Variants in WDR41 observed in about 807,000 individuals in gnomAD.
WDR41 encodes WD repeat domain 41.
A neutral mutation model predicts 69.3 loss-of-function variants in WDR41; 63 were observed. The observed-to-expected ratio is 0.91, with a 90% CI of 0.74 to 1.12. The LOEUF (loss-of-function observed/expected upper bound fraction) is 1.12, where lower values mean the gene tolerates loss of function less well. Ranked by LOEUF, WDR41 falls within the 50% of genes most tolerant of loss-of-function variation. The pLI is 0.00. For synonymous variants in WDR41, 185 were observed against 192.1 expected (o/e 0.96, Z 0.31); for missense variants, 543 against 534.5 (o/e 1.02, Z -0.16).
chr5:77,613,200 A>G (rs1314976961), intron 1 of WDR41, among the ~76,000 whole-genome samples: 6 of 152,020 alleles, frequency 3.9e-5, no homozygotes, highest in Admixed American at 2.0e-4. Context: ...AATCAATATC[A>G]TGAAAATGGC....
chr5:77,492,298 C>A lies in WDR41; in HGVS notation c.-78G>T. On this transcript the variant is annotated 5_prime_UTR_variant, in exon 1 of 13. Coordinates refer to ENST00000296679, the MANE Select transcript of WDR41 (RefSeq NM_018268.4). ...CCCCAGGCTCGGCCTCCTCCTTCCTCCCCGGCTGCAGCGCAACTGAGACGC... is the reference window on the plus strand; with the variant it reads ...CCCCAGGCTCGGCCTCCTCCTTCCTACCCGGCTGCAGCGCAACTGAGACGC... 1.3e-6 allele frequency: 2 copies of A among 1,583,470 alleles called. No homozygotes were observed. Among genetic ancestry groups the A allele is most frequent in the Non-Finnish European group, 1.7e-6 (2 of 1,163,534 alleles).
chr5:77,469,390 A>G (rs917104366), intron 2 of WDR41, among the ~76,000 whole-genome samples: 1 of 152,220 alleles, frequency 6.6e-6, no homozygotes, highest in Non-Finnish European at 1.5e-5. Context: ...TCTCTCCTGT[A>G]TAATTCTCAC....
chr5:77,580,294 G>A (rs1411311990), intron 1 of WDR41, among the ~76,000 whole-genome samples: 1 of 152,134 alleles, frequency 6.6e-6, no homozygotes, highest in Non-Finnish European at 1.5e-5. Context: ...CATGGCAGAA[G>A]GCATCTCTTC....
At position 77,442,894 on chromosome 5, in the gene WDR41, C is replaced by CAAAAAAAAAAAAAAAAAAAA. The variant is rs60442242; in HGVS notation, c.698-1898_698-1897insTTTTTTTTTTTTTTTTTTTT. 3.0e-4 allele frequency among the ~76,000 whole-genome samples: 17 copies of CAAAAAAAAAAAAAAAAAAAA among 56,254 alleles called. 1 individual carries two copies. The highest frequency in any genetic ancestry group is 1.5e-3 in the African/African-American group (15 of 9,930). 36.9% of individuals were successfully genotyped at this position (56,254 alleles called of 152,430 possible). A position where few individuals can be genotyped will look rare whatever the true frequency, so the allele number is the denominator to read the frequency against. ...GCGACAGAGCGAGACTCTGTCTCCC[C>CAAAAAAAAAAAAAAAAAAAA]AAAAAAAAAAAAAAAAAAAGGATTT... On this transcript the variant is annotated intron_variant, in intron 8 of 12. Coordinates refer to ENST00000296679, the MANE Select transcript of WDR41 (RefSeq NM_018268.4).
At position 77,451,351 on chromosome 5, in the gene WDR41, T is replaced by C; in HGVS notation, c.526A>G (p.Ile176Val). Residue 176 changes from isoleucine to valine, a missense_variant and splice_region_variant, in exon 7 of 13, where the codon ATT becomes GTT. Transcript: ENST00000296679. ...CKTSHLSDTGISALVEIPKNC... is the reference protein window; with the variant it reads ...CKTSHLSDTGVSALVEIPKNC... ...TTAGGTATTTCAACCAAAGCACTAA[T>C]ACCTCCAAAAACATATAAAACAAAG... 6.2e-7 allele frequency: 1 copy of C among 1,613,376 alleles called. No individual in the cohort carries two copies. Among genetic ancestry groups the C allele is most frequent in the African/African-American group, 1.3e-5 (1 of 75,048 alleles).
chr5:77,594,311 T>C (rs1377970442), intron 1 of WDR41, among the ~76,000 whole-genome samples: 1 of 151,400 alleles, frequency 6.6e-6, no homozygotes, highest in Non-Finnish European at 1.5e-5. Context: ...ATATACCTAA[T>C]GTAAATGACG....
chr5:77,594,594 C>T (rs1367588420), intron 1 of WDR41, among the ~76,000 whole-genome samples: 1 of 152,078 alleles, frequency 6.6e-6, no homozygotes, highest in African/African-American at 2.4e-5. Context: ...TTCTATGACA[C>T]CAGTAACCAT....
intron 1 of WDR41, among the ~76,000 whole-genome samples, chr5:77,620,224 C>T (rs1459042094): frequency 6.6e-6 from 1 of 152,154 alleles, no homozygotes; most frequent in African/African-American, 2.4e-5. Context: ...CTACCCACAA[C>T]ATCACCCTTA....
At chr5:77,499,792 T>C (rs1053664939) in intron 1 of WDR41, among the ~76,000 whole-genome samples, 2 of 152,168 alleles carry the variant, frequency 1.3e-5, no homozygotes, top group African/African-American at 4.8e-5. Flanking sequence ...GCTCTTAATC[T>C]AATTAGTGTA....
intron 1 of WDR41, among the ~76,000 whole-genome samples, chr5:77,586,560 C>T (rs4704433): frequency 0.24 from 36,153 of 151,968 alleles, 4,943 homozygotes; most frequent in Non-Finnish European, 0.31. Flanking sequence ...CCTACCTTGG[C>T]CTCTCAAAGT....
chr5:77,437,482 A>T, intron 10 of WDR41, 58 bp from the exon 11 acceptor site: 1 of 1,449,726 alleles, frequency 6.9e-7, no homozygotes, highest in Non-Finnish European at 9.7e-7. Context: ...GCCAATGCTA[A>T]ATTTGCAGTG....
At chr5:77,564,862 T>A (rs1410952230) in intron 1 of WDR41, among the ~76,000 whole-genome samples, 3 of 152,168 alleles carry the variant, frequency 2.0e-5, no homozygotes, top group Non-Finnish European at 4.4e-5. Context: ...AACTATCTTT[T>A]CTTCTATCAA....
At chr5:77,555,650 C>T (rs534101489) in intron 1 of WDR41, among the ~76,000 whole-genome samples, 37 of 151,890 alleles carry the variant, frequency 2.4e-4, no homozygotes, top group Non-Finnish European at 1.0e-4. Context: ...CAACAGCATC[C>T]GAAAATATAA....
Position 77,540,765 on chromosome 5 carries a change from A to AGAAG in WDR41, c.43-51197_43-51194dup, listed in dbSNP as rs560809040. Among the ~76,000 whole-genome samples, 285 of 151,454 alleles carry AGAAG rather than the reference A, an allele frequency of 1.9e-3. 2 individuals are homozygous for AGAAG. Among genetic ancestry groups the AGAAG allele is most frequent in the African/African-American group, 4.9e-3 (201 of 41,244 alleles). On this transcript the variant is annotated intron_variant, in intron 1 of 5. Coordinates refer to the WDR41 transcript ENST00000509971. ...AGGGAGGGAGGAAGGAAGGAAGGAA[A>AGAAG]GAAGGAAGGAAGGAAAGAAAAGTCA...
intron 1 of WDR41, among the ~76,000 whole-genome samples, chr5:77,529,755 T>A (rs1326226348): frequency 6.6e-6 from 1 of 151,528 alleles, no homozygotes; most frequent in Non-Finnish European, 1.5e-5. Context: ...TAGCAGCTCA[T>A]AGAATGGTGG....
chr5:77,562,466 G>A (rs570637100), intron 1 of WDR41, among the ~76,000 whole-genome samples: 2 of 152,288 alleles, frequency 1.3e-5, no homozygotes, highest in Admixed American at 6.5e-5. Flanking sequence ...CACAAATACC[G>A]ATAATATATC....
rs555262622 is a variant in WDR41, at chr5:77,480,860, C to CA, written c.167+8596dup. 1.6e-3 allele frequency among the ~76,000 whole-genome samples: 240 copies of CA among 151,070 alleles called. 1 individual carries two copies. Among genetic ancestry groups the CA allele is most frequent in the African/African-American group, 5.5e-3 (227 of 41,128 alleles). ...AAAAAAGATTACAGTATTAGAATAC[C>CA]AAAAAAATCTGTGTGACTTCTATTA... On this transcript the variant is annotated intron_variant, in intron 2 of 12. Coordinates refer to ENST00000296679, the MANE Select transcript of WDR41 (RefSeq NM_018268.4).
Position 77,473,135 on chromosome 5 carries a change from C to T in WDR41, c.168-8326G>A, listed in dbSNP as rs556496716. 3.3e-3 allele frequency among the ~76,000 whole-genome samples: 502 copies of T among 152,160 alleles called. 2 individuals carry two copies. Among genetic ancestry groups the T allele is most frequent in the Middle Eastern group, 0.027 (8 of 294 alleles). ...AATAGAACAGAGCCCTCAGAAATAA[C>T]GCCGCATATCTACAACCATCTGATC... On this transcript the variant is annotated intron_variant, in intron 2 of 12. Transcript: ENST00000296679.
upstream of WDR41, among the ~76,000 whole-genome samples, chr5:77,495,843 T>C (rs1172144745): frequency 1.3e-5 from 2 of 152,024 alleles, no homozygotes; most frequent in African/African-American, 4.8e-5. Flanking sequence ...ATATCCCTTA[T>C]GACTACAGAT....
Sources: allele counts gnomAD v4.1 joint callset (sites outside exome capture counted in the v4.1 genomes callset), GRCh38; gene constraint gnomAD v4.1.1; transcripts MANE v1.5; gene names NCBI Gene and HGNC (gene_info 2026-07-23, HGNC 2026-07-21).